Variants in PCDHA1 observed in about 807,000 individuals in gnomAD.
The protein encoded by PCDHA1 is protocadherin alpha-1.
Under a neutral mutation model 61.3 loss-of-function variants are expected in PCDHA1, and 42 were observed. The ratio of observed to expected loss-of-function variants is 0.69; its 90% CI spans 0.54 to 0.89. The LOEUF is 0.89. Among genes scored for constraint, PCDHA1 ranks in the 40% least tolerant of loss-of-function variants. The probability of loss-of-function intolerance (pLI) is 0.00; values close to 1 mark genes in which losing one functional copy is unlikely to be tolerated. For synonymous variants in PCDHA1, 610 were observed against 553.8 expected (o/e 1.10, Z -1.43); for missense variants, 1,256 against 1,235.3 (o/e 1.02, Z -0.25).
At chr5:140,987,439 A>G (rs1407783928) in intron 3 of PCDHA1, among the ~76,000 whole-genome samples, 18 of 152,154 alleles carry the variant, frequency 1.2e-4, no homozygotes, top group African/African-American at 3.9e-4. Flanking sequence ...GCCTTTCCCC[A>G]TGCCCGAGAG....
intron 1 of PCDHA1, among the ~76,000 whole-genome samples, chr5:140,818,941 A>T (rs1470762019): frequency 6.6e-6 from 1 of 152,234 alleles, no homozygotes; most frequent in Non-Finnish European, 1.5e-5. Context: ...TTTGACATGA[A>T]CATTGATATT....
intron 1 of PCDHA1, chr5:140,928,070 A>G (rs1408962097): frequency 1.9e-6 from 3 of 1,614,058 alleles, no homozygotes; most frequent in East Asian, 4.5e-5. Flanking sequence ...TCCTTTGACA[A>G]CTACTACAGC....
chr5:140,805,008 G>T, intron 1 of PCDHA1: 1 of 1,547,302 alleles, frequency 6.5e-7, no homozygotes, highest in East Asian at 2.3e-5. Context: ...ATTTAGTTCT[G>T]TTATCAGCTT....
intron 1 of PCDHA1, chr5:140,854,600 A>G (rs1474878225): frequency 6.7e-6 from 1 of 149,994 alleles, no homozygotes; most frequent in African/African-American, 2.4e-5. Flanking sequence ...GTTTAAAGTA[A>G]TTGACACATT....
intron 1 of PCDHA1, chr5:140,802,580 G>C (rs782133433): frequency 6.2e-7 from 1 of 1,613,926 alleles, no homozygotes; most frequent in Middle Eastern, 1.7e-4. Flanking sequence ...CCGAGTACAC[G>C]GTGTTCGTGA....
intron 1 of PCDHA1, chr5:140,836,221 C>A (rs2150255716): frequency 1.2e-6 from 2 of 1,613,684 alleles, no homozygotes; most frequent in Non-Finnish European, 1.7e-6. Context: ...GAGTTGCAAC[C>A]GGTGGCGGCC....
At position 140,941,221 on chromosome 5, in the gene PCDHA1, T is replaced by TTC. The variant is rs1217645089; in HGVS notation, c.2395-37726_2395-37725dup. Among the ~76,000 whole-genome samples the TTC allele has an allele frequency of 5.2e-4, 68 of 131,640 alleles. 1 individual carries two copies. Among genetic ancestry groups the TTC allele is most frequent in the African/African-American group, 2.0e-3 (67 of 33,088 alleles). 86.4% of individuals were successfully genotyped at this position (131,640 alleles called of 152,430 possible). A position where few individuals can be genotyped will look rare whatever the true frequency, so the allele number is the denominator to read the frequency against. Reference sequence around the variant, plus strand: ...TTTCTTCCTTTCTTTCTTCCTTTCTTTCTTTCTTTCTTTCTTTCTTTCTTT... The same window carrying TTC: ...TTTCTTCCTTTCTTTCTTCCTTTCTTTCTCTTTCTTTCTTTCTTTCTTTCTTT... On this transcript the variant is annotated intron_variant, in intron 1 of 3. Transcript: ENST00000504120.
chr5:140,862,503 A>T (rs2047399158), intron 1 of PCDHA1: 5 of 398,958 alleles, frequency 1.3e-5, no homozygotes, highest in Non-Finnish European at 2.5e-5. Context: ...CGGAATGGGG[A>T]CTCGCTTTCA....
At chr5:140,807,749 C>G (rs782346248) in intron 1 of PCDHA1, 1 of 1,614,138 alleles carries the variant, frequency 6.2e-7, no homozygotes, top group South Asian at 1.1e-5. Context: ...TGATGACGAG[C>G]TGGTAAAAGG....
chr5:140,953,410 G>A (rs1328809858), intron 1 of PCDHA1, among the ~76,000 whole-genome samples: 5 of 152,042 alleles, frequency 3.3e-5, no homozygotes, highest in Non-Finnish European at 5.9e-5. Flanking sequence ...GTTGCTCCTG[G>A]CTCCTCCCCT....
At chr5:140,957,725 A>T (rs1385506394) in intron 1 of PCDHA1, among the ~76,000 whole-genome samples, 1 of 152,156 alleles carries the variant, frequency 6.6e-6, no homozygotes, top group Non-Finnish European at 1.5e-5. Context: ...AAAGAAGCAG[A>T]ATTATATATA....
At chr5:140,967,362 C>A (rs1385889243) in intron 1 of PCDHA1, 2 of 1,607,452 alleles carry the variant, frequency 1.2e-6, no homozygotes, top group East Asian at 2.2e-5. Flanking sequence ...GACCTTAAGC[C>A]CCTGCAGGAG....
chr5:140,801,321 G>C (rs138727039), intron 1 of PCDHA1: 1 of 1,613,350 alleles, frequency 6.2e-7, no homozygotes, highest in African/African-American at 1.3e-5. Context: ...GGCCAAGCAT[G>C]GCACCTTCGT....
intron 3 of PCDHA1, among the ~76,000 whole-genome samples, chr5:141,005,117 C>A (rs2098198148): frequency 6.6e-6 from 1 of 152,214 alleles, no homozygotes; most frequent in South Asian, 2.1e-4. Flanking sequence ...TCTTTAGGGA[C>A]CCCAAAAGTG....
At chr5:140,993,571 G>A (rs1298531948) in intron 3 of PCDHA1, among the ~76,000 whole-genome samples, 1 of 151,484 alleles carries the variant, frequency 6.6e-6, no homozygotes, top group Non-Finnish European at 1.5e-5. Flanking sequence ...TCCTTTCTAG[G>A]GATGCTTTTC....
rs2150151779 is a variant in PCDHA1, at chr5:140,828,170, G to A, written c.2394+39486G>A. 3 of 1,614,168 alleles carry A rather than the reference G, an allele frequency of 1.9e-6. 1 individual carries two copies. The Admixed American group carries it at 5.0e-5, about 27-fold the overall frequency. ...TCTGCTCCTCGCAGCCTGGAAGGTGGGGAGCGGCCAGCTCCACTACTCCGT... is the reference window on the plus strand; with the variant it reads ...TCTGCTCCTCGCAGCCTGGAAGGTGAGGAGCGGCCAGCTCCACTACTCCGT... On this transcript the variant is annotated intron_variant, in intron 1 of 3. Transcript: ENST00000504120.
chr5:140,912,851 A>C lies in PCDHA1; in HGVS notation c.2395-66098A>C, dbSNP rs564747882. ...TTTTATTAAATGCTTTTTCAGCATCAATTGAAATGATATATGGTTTTTGGT... is the reference window on the plus strand; with the variant it reads ...TTTTATTAAATGCTTTTTCAGCATCCATTGAAATGATATATGGTTTTTGGT... On this transcript the variant is annotated intron_variant, in intron 1 of 3. Coordinates refer to ENST00000504120, the MANE Select transcript of PCDHA1 (RefSeq NM_018900.4). Among the ~76,000 whole-genome samples, 3 of 152,328 alleles carry C rather than the reference A, an allele frequency of 2.0e-5. No individual in the cohort carries two copies. The South Asian group carries it at 6.2e-4, about 32-fold the overall frequency.
chr5:140,951,548 G>A (rs1314618918), intron 1 of PCDHA1, among the ~76,000 whole-genome samples: 1 of 151,910 alleles, frequency 6.6e-6, no homozygotes, highest in African/African-American at 2.4e-5. Flanking sequence ...AGGGACGGGG[G>A]GAAGTGCTAC....
rs782463268 is a variant in PCDHA1, at chr5:140,941,198, TCTTCCTTTCTTTCTTC to T, written c.2395-37747_2395-37732del. On this transcript the variant is annotated intron_variant, in intron 1 of 3. Transcript: ENST00000504120. ...AACATCCTGCTTCTTTTTTTTTCTTTCTTCCTTTCTTTCTTCCTTTCTTTCTTTCTTTCTTTCTTTC... is the reference window on the plus strand; with the variant it reads ...AACATCCTGCTTCTTTTTTTTTCTTTCTTTCTTTCTTTCTTTCTTTCTTTC... 2.9e-3 allele frequency among the ~76,000 whole-genome samples: 353 copies of T among 119,898 alleles called. 1 individual carries two copies. Among genetic ancestry groups the T allele is most frequent in the African/African-American group, 8.8e-3 (254 of 28,982 alleles). The allele number at this position is 119,898 out of a possible 152,430, so 78.7% of individuals were successfully genotyped here.
Sources: allele counts gnomAD v4.1 joint callset (sites outside exome capture counted in the v4.1 genomes callset), GRCh38; gene constraint gnomAD v4.1.1; transcripts MANE v1.5; gene names NCBI Gene and HGNC (gene_info 2026-07-23, HGNC 2026-07-21).